MYRFL: variants seen among roughly 807,000 people sequenced by gnomAD.
MYRFL encodes myelin regulatory factor-like protein.
MYRFL carries 88 observed loss-of-function variants against 109.4 expected under a neutral mutation model. The observed-to-expected ratio is 0.80, with a 90% confidence interval of 0.68 to 0.96. MYRFL has a LOEUF of 0.96. Ranked by LOEUF, MYRFL falls within the 40% of genes least tolerant of loss-of-function variation. The pLI is 0.00. For missense variants in MYRFL, 957 were observed against 954.9 expected (o/e 1.00, Z -0.03); for synonymous variants, 324 against 320.9 (o/e 1.01, Z -0.10).
intron 2 of MYRFL, among the ~76,000 whole-genome samples, chr12:69,867,175 G>A (rs1885064923): frequency 6.6e-6 from 1 of 152,182 alleles, no homozygotes; most frequent in African/African-American, 2.4e-5. Flanking sequence ...TGATTTCCTA[G>A]GTTAGCCAGA....
At chr12:69,901,706 G>C (rs1218508021) in intron 10 of MYRFL, among the ~76,000 whole-genome samples, 2 of 152,118 alleles carry the variant, frequency 1.3e-5, no homozygotes, top group African/African-American at 4.8e-5. Context: ...TTGATTGGTT[G>C]CTATAAAAGG....
chr12:69,868,359 C>T (rs775915233), intron 2 of MYRFL, among the ~76,000 whole-genome samples: 13 of 152,122 alleles, frequency 8.5e-5, no homozygotes, highest in Non-Finnish European at 7.4e-5. Context: ...GTGATCCACC[C>T]GCCTCGGCCT....
rs375828699 is a variant in MYRFL at position 69,943,141 on chromosome 12, C to G, written c.2224+6509C>G. Among the ~76,000 whole-genome samples, 23 of 151,846 alleles carry G rather than the reference C, an allele frequency of 1.5e-4. 1 individual carries two copies. The South Asian group carries it at 1.9e-3, about 12-fold the overall frequency. The stretch of plus-strand genomic sequence containing the variant: ...TTTACAGATTCAATGCCATCCCCAT[C>G]AAGCTACCAATGCCTTTCTTCACAG... On this transcript the variant is annotated intron_variant, in intron 19 of 24. Coordinates refer to ENST00000552032, the MANE Select transcript of MYRFL (RefSeq NM_182530.3).
At chr12:69,829,566 A>T (rs1258163692) in intron 1 of MYRFL, among the ~76,000 whole-genome samples, 1 of 152,124 alleles carries the variant, frequency 6.6e-6, no homozygotes, top group Non-Finnish European at 1.5e-5. Flanking sequence ...ATATTTATGT[A>T]GTGAATGAAT....
At chr12:69,832,313 C>T (rs1471186588) in intron 1 of MYRFL, among the ~76,000 whole-genome samples, 1 of 152,078 alleles carries the variant, frequency 6.6e-6, no homozygotes, top group Non-Finnish European at 1.5e-5. Flanking sequence ...TTCACACAAT[C>T]AAAAAATATT....
intron 1 of MYRFL, among the ~76,000 whole-genome samples, chr12:69,846,163 A>G (rs796548470): frequency 6.8e-5 from 4 of 58,760 alleles, no homozygotes; most frequent in African/African-American, 2.7e-4. Context: ...ATACTTTTGT[A>G]TGTCTCATTC....
intron 19 of MYRFL, among the ~76,000 whole-genome samples, chr12:69,941,004 C>T: frequency 9.7e-5 from 2 of 20,572 alleles, no homozygotes; most frequent in African/African-American, 3.2e-4. Context: ...TATATATGCA[C>T]CCAATACAGG....
intron 5 of MYRFL, among the ~76,000 whole-genome samples, chr12:69,885,845 GA>G (rs1425669518): frequency 6.6e-6 from 1 of 152,132 alleles, no homozygotes; most frequent in Non-Finnish European, 1.5e-5. Context: ...TCTAGCTTCT[GA>G]AAGTGCTTTC....
At chr12:69,830,350 G>A (rs1268608649) in intron 1 of MYRFL, among the ~76,000 whole-genome samples, 1 of 150,682 alleles carries the variant, frequency 6.6e-6, no homozygotes, top group Admixed American at 6.6e-5. Context: ...TTTTGAAAGA[G>A]CTTTTATTTC....
intron 2 of MYRFL, among the ~76,000 whole-genome samples, chr12:69,868,364 C>T (rs1265606351): frequency 2.0e-5 from 3 of 152,024 alleles, no homozygotes; most frequent in Admixed American, 6.6e-5. Context: ...CCACCCGCCT[C>T]GGCCTCCCAA....
chr12:69,870,014 A>G (rs960143640), intron 2 of MYRFL, among the ~76,000 whole-genome samples: 14 of 152,088 alleles, frequency 9.2e-5, no homozygotes, highest in Admixed American at 9.2e-4. Context: ...AAGACAAAAA[A>G]CAAGTTGTAT....
chr12:69,874,262 C>T (rs1413610689), intron 2 of MYRFL, among the ~76,000 whole-genome samples: 1 of 152,220 alleles, frequency 6.6e-6, no homozygotes, highest in African/African-American at 2.4e-5. Context: ...ACTCAAGCCT[C>T]ATTCTCCTGG....
intron 19 of MYRFL, among the ~76,000 whole-genome samples, chr12:69,939,713 GAGA>G (rs1421666950): frequency 1.3e-5 from 2 of 152,110 alleles, no homozygotes; most frequent in South Asian, 2.1e-4. Context: ...GACGAGCTGA[GAGA>G]AGAAGGCTTC....
In MYRFL at chr12:69,952,306, A is replaced by C. The variant is rs893130544; in HGVS notation, c.2287+131A>C. On this transcript the variant is annotated intron_variant, in intron 20 of 24. Coordinates refer to ENST00000552032, the MANE Select transcript of MYRFL (RefSeq NM_182530.3). ...CCTGCCTGCCACGCATATCCATGGG[A>C]CTGTGTGTTATAATCGATGCCACCC... 3 of 770,236 alleles carry C rather than the reference A, an allele frequency of 3.9e-6. No homozygotes were observed. In the African/African-American group the frequency reaches 5.1e-5, roughly 13 times the overall value. 47.7% of individuals were successfully genotyped at this position (770,236 alleles called of 1,614,324 possible). A position where few individuals can be genotyped will look rare whatever the true frequency, so the allele number is the denominator to read the frequency against.
At chr12:69,839,326 G>A (rs531208813) in intron 1 of MYRFL, among the ~76,000 whole-genome samples, 1 of 152,096 alleles carries the variant, frequency 6.6e-6, no homozygotes, top group South Asian at 2.1e-4. Flanking sequence ...TCATAATTCA[G>A]CACTGCAACT....
At chr12:69,912,463 A>G (rs1013227284) in intron 13 of MYRFL, among the ~76,000 whole-genome samples, 12 of 152,014 alleles carry the variant, frequency 7.9e-5, no homozygotes, top group Non-Finnish European at 1.5e-4. Flanking sequence ...TAAAACAATA[A>G]CTCCCCATTA....
intron 21 of MYRFL, 81 bp downstream of exon 21, chr12:69,952,967 T>C: frequency 1.2e-6 from 1 of 828,940 alleles, no homozygotes; most frequent in Non-Finnish European, 1.9e-6. Flanking sequence ...CAGTGGAAGC[T>C]AAAGCTACAT....
Position 69,834,575 on chromosome 12 carries a change from A to G in MYRFL, c.46+9012A>G, listed in dbSNP as rs78600613. On this transcript the variant is annotated intron_variant, in intron 1 of 24. Coordinates refer to ENST00000552032, the MANE Select transcript of MYRFL (RefSeq NM_182530.3). ...ATTAATGATAAAACGTTAAAATGAC[A>G]GAATAAATGGTAGTGGTTTTTATTA... Among the ~76,000 whole-genome samples the G allele has an allele frequency of 6.2e-3, 950 of 152,362 alleles. 10 individuals are homozygous for G. Among genetic ancestry groups the G allele is most frequent in the East Asian group, 0.047 (245 of 5,188 alleles).
chr12:69,939,384 C>T (rs1955569587), intron 19 of MYRFL, among the ~76,000 whole-genome samples: 1 of 152,038 alleles, frequency 6.6e-6, no homozygotes, highest in Non-Finnish European at 1.5e-5. Context: ...GTCCCTGACC[C>T]CTGACCCCCG....
Sources: allele counts gnomAD v4.1 joint callset (sites outside exome capture counted in the v4.1 genomes callset), GRCh38; gene constraint gnomAD v4.1.1; transcripts MANE v1.5; gene names NCBI Gene and HGNC (gene_info 2026-07-23, HGNC 2026-07-21).